Variants in MIB1 observed in about 807,000 individuals in gnomAD.
MIB1 encodes the protein E3 ubiquitin-protein ligase MIB1.
MIB1 carries 278 observed loss-of-function variants against 124.5 expected under a neutral mutation model. The ratio of observed to expected loss-of-function variants is 2.23; its 90% CI spans 2.02 to 2.47. The LOEUF is 2.47. Among genes scored for constraint, MIB1 ranks in the 30% most tolerant of loss-of-function variants. MIB1 has a pLI of 0.00. For missense variants in MIB1, 957 were observed against 1,254.4 expected (o/e 0.76, Z 3.58); for synonymous variants, 446 against 429.4 (o/e 1.04, Z -0.48).
In MIB1 at chr18:21,857,145, TG is replaced by T; in HGVS notation, c.2682del (p.Met894IlefsTer10). ...MCACENCANL[M>X]KKCVQCRAVV... The stretch of plus-strand genomic sequence containing the variant: ...CGTTTTCCAGACTGTGCTAACCTGA[TG>T]AAAAAGTGTGTGCAGTGTCGAGCAG... On this transcript the variant is annotated frameshift_variant, in exon 19 of 21. Transcript: ENST00000261537. LOFTEE classifies it high-confidence loss of function. 1 of 1,613,910 alleles carries T rather than the reference TG, an allele frequency of 6.2e-7. No individual in the cohort carries two copies. The highest frequency in any genetic ancestry group is 8.5e-7 in the Non-Finnish European group (1 of 1,179,790).
At position 21,785,762 on chromosome 18, in the gene MIB1, T is replaced by G. The variant is rs556535827; in HGVS notation, c.909-5612T>G. ...ATATTACTATCCTTTTCTTTTAGATTGATGAACTCCCTTTACTATTTCTTA... is the reference window on the plus strand; with the variant it reads ...ATATTACTATCCTTTTCTTTTAGATGGATGAACTCCCTTTACTATTTCTTA... On this transcript the variant is annotated intron_variant, in intron 6 of 20. Transcript: ENST00000261537. Among the ~76,000 whole-genome samples the G allele has an allele frequency of 2.6e-5, 4 of 152,340 alleles. No individual in the cohort carries two copies. In the East Asian group the frequency reaches 7.7e-4, roughly 29 times the overall value.
intron 17 of MIB1, 59 bp downstream of exon 17, chr18:21,849,447 A>G (rs1028721789): frequency 3.9e-6 from 4 of 1,021,576 alleles, no homozygotes; most frequent in Non-Finnish European, 4.1e-6. Context: ...AGAATTAATG[A>G]TAAATAAGAT....
intron 20 of MIB1, among the ~76,000 whole-genome samples, chr18:21,862,846 G>A (rs561182757): frequency 6.6e-6 from 1 of 152,280 alleles, no homozygotes; most frequent in South Asian, 2.1e-4. Context: ...TCCCCACCCT[G>A]CACCATGTAT....
intron 20 of MIB1, among the ~76,000 whole-genome samples, chr18:21,864,004 C>CA (rs1333226258): frequency 2.3e-4 from 34 of 149,990 alleles, no homozygotes; most frequent in African/African-American, 3.4e-4. Flanking sequence ...GACTCCATCT[C>CA]AAAAAAAAAG....
At chr18:21,734,089 A>T (rs756889969) in intron 1 of MIB1, among the ~76,000 whole-genome samples, 45 of 148,218 alleles carry the variant, frequency 3.0e-4, no homozygotes, top group Non-Finnish European at 5.5e-4. Flanking sequence ...TAAATATGAT[A>T]TTTGTTCTTG....
chr18:21,713,795 C>T (rs1442694807), intron 1 of MIB1, among the ~76,000 whole-genome samples: 2 of 143,786 alleles, frequency 1.4e-5, no homozygotes, highest in Non-Finnish European at 3.0e-5. Flanking sequence ...GTGGGGGTTT[C>T]ACCATGTTGG....
intron 8 of MIB1, among the ~76,000 whole-genome samples, chr18:21,798,573 A>G (rs1292419425): frequency 6.6e-6 from 1 of 152,128 alleles, no homozygotes; most frequent in Non-Finnish European, 1.5e-5. Context: ...CCAAAGAACC[A>G]TCACTTTCTT....
intron 1 of MIB1, among the ~76,000 whole-genome samples, chr18:21,706,544 T>C (rs2040634062): frequency 6.6e-6 from 1 of 152,144 alleles, no homozygotes; most frequent in Non-Finnish European, 1.5e-5. Context: ...CCGGGGCTGC[T>C]GTGCCCCGCG....
chr18:21,741,486 C>T lies in MIB1; in HGVS notation c.-98C>T. 3 of 775,278 alleles carry T rather than the reference C, an allele frequency of 3.9e-6. No homozygotes were observed. Among genetic ancestry groups the T allele is most frequent in the Non-Finnish European group, 5.2e-6 (3 of 579,722 alleles). The allele number at this position is 775,278 out of a possible 1,614,324, so 48.0% of individuals were successfully genotyped here. ...CGGGGCTCGCTGCCGCCCCCGCCGACGCCTAGAGTCCGGCCCGGGCCCAAC... is the reference window on the plus strand; with the variant it reads ...CGGGGCTCGCTGCCGCCCCCGCCGATGCCTAGAGTCCGGCCCGGGCCCAAC... On this transcript the variant is annotated 5_prime_UTR_variant, in exon 1 of 21. In the 5' UTR this introduces an upstream ATG that the reference lacks. Transcript: ENST00000261537. This position sits in a 1 kb window ranked among gnomAD's most constrained non-coding sequence, Gnocchi z 5.4.
At chr18:21,775,547 A>G (rs2146420326) in intron 4 of MIB1, among the ~76,000 whole-genome samples, 1 of 152,336 alleles carries the variant, frequency 6.6e-6, no homozygotes, top group East Asian at 1.9e-4. Flanking sequence ...TGACCAATTC[A>G]TGCCACTTAT....
chr18:21,758,936 A>G (rs1163304326), intron 1 of MIB1, among the ~76,000 whole-genome samples: 2 of 152,124 alleles, frequency 1.3e-5, no homozygotes. Context: ...TTCTTTTTTA[A>G]AAAAGTTTTA....
At chr18:21,755,739 CT>C (rs1337821455) in intron 1 of MIB1, among the ~76,000 whole-genome samples, 4 of 152,116 alleles carry the variant, frequency 2.6e-5, no homozygotes, top group Admixed American at 6.5e-5. Context: ...TCATTTTTGG[CT>C]TTGGAATACT....
intron 20 of MIB1, among the ~76,000 whole-genome samples, chr18:21,860,036 T>A (rs1314496827): frequency 6.8e-6 from 1 of 147,480 alleles, no homozygotes; most frequent in Non-Finnish European, 1.5e-5. Flanking sequence ...ATAGAGGGGC[T>A]TCAAAAATAA....
chr18:21,821,737 T>A (rs1431834613), intron 12 of MIB1, among the ~76,000 whole-genome samples: 1 of 152,072 alleles, frequency 6.6e-6, no homozygotes, highest in Non-Finnish European at 1.5e-5. Context: ...TAGCTGGGAC[T>A]ACAGGCTCCC....
chr18:21,789,733 C>T (rs180698824), intron 6 of MIB1, among the ~76,000 whole-genome samples: 39 of 152,158 alleles, frequency 2.6e-4, no homozygotes, highest in Middle Eastern at 3.4e-3. Context: ...AGGAGAATTG[C>T]TTGAACCTGG....
exon 1 of MIB1, chr18:21,705,000 C>A: frequency 5.0e-6 from 1 of 198,720 alleles, no homozygotes; most frequent in Admixed American, 6.1e-5. Flanking sequence ...TGGGGATCCC[C>A]AAGGGTGGGC....
chr18:21,718,197 A>G (rs1302495680), intron 1 of MIB1, among the ~76,000 whole-genome samples: 2 of 152,144 alleles, frequency 1.3e-5, no homozygotes, highest in Non-Finnish European at 2.9e-5. Context: ...ATGAGGATGC[A>G]AAGGCATAAT....
chr18:21,742,195 G>C (rs770821158), intron 1 of MIB1, among the ~76,000 whole-genome samples: 2 of 152,064 alleles, frequency 1.3e-5, no homozygotes, highest in South Asian at 2.1e-4. Context: ...TGTCTGAAGG[G>C]AGGCTTGCTT....
At chr18:21,727,000 T>C (rs557296928) in intron 1 of MIB1, among the ~76,000 whole-genome samples, 2 of 152,292 alleles carry the variant, frequency 1.3e-5, no homozygotes, top group East Asian at 3.9e-4. Flanking sequence ...TTTGCACTTA[T>C]TTCTCTGGCC....
Sources: allele counts gnomAD v4.1 joint callset (sites outside exome capture counted in the v4.1 genomes callset), GRCh38; gene constraint gnomAD v4.1.1; non-coding constraint Gnocchi (gnomAD v3.1); transcripts MANE v1.5; gene names NCBI Gene and HGNC (gene_info 2026-07-23, HGNC 2026-07-21).